Variants in GLOD4 observed in about 807,000 individuals in gnomAD.
The protein encoded by GLOD4 is glyoxalase domain containing 4.
In GLOD4, 44 loss-of-function variants were observed where a neutral mutation model predicts 39.1. That is an observed-to-expected ratio of 1.13 (90% CI 0.88 to 1.45). The LOEUF is 1.45. Ranked by LOEUF, GLOD4 falls within the 40% of genes most tolerant of loss-of-function variation. The probability of loss-of-function intolerance (pLI) is 0.00; values close to 1 mark genes in which losing one functional copy is unlikely to be tolerated. For missense variants in GLOD4, 405 were observed against 366.4 expected, an observed-to-expected ratio of 1.11 and a Z score of -0.86; for synonymous variants, 145 against 135.0, an observed-to-expected ratio of 1.07 and a Z score of -0.52.
At position 773,629 on chromosome 17, in the gene GLOD4, G is replaced by C. The variant is rs192179303; in HGVS notation, c.406+2146C>G. ...TACTGGAAACTTTTCACATTGTAAAGTGACTTTCTAAAGAGCTGTTCCACG... is the reference window on the plus strand; with the variant it reads ...TACTGGAAACTTTTCACATTGTAAACTGACTTTCTAAAGAGCTGTTCCACG... On this transcript the variant is annotated intron_variant, in intron 4 of 8. Coordinates refer to ENST00000301329, the MANE Select transcript of GLOD4 (RefSeq NM_016080.4). Among the ~76,000 whole-genome samples the C allele has an allele frequency of 1.0e-3, 152 of 152,262 alleles. 2 individuals are homozygous for C. The highest frequency in any genetic ancestry group is 3.6e-3 in the African/African-American group (149 of 41,536).
In GLOD4 at chr17:771,472, A is replaced by G; in HGVS notation, c.407-11T>C. ...CTTTTAATACAGGATCTGTTGGGTA[A>G]TAAAGCAGGAATAGACAGATCAATT... is the stretch of plus-strand genomic sequence containing the variant. On this transcript the variant is annotated splice_polypyrimidine_tract_variant and intron_variant, in intron 4 of 8. Transcript: ENST00000301329. The G allele has an allele frequency of 1.3e-6, 2 of 1,526,270 alleles. No individual in the cohort carries two copies. The highest frequency in any genetic ancestry group is 8.9e-7 in the Non-Finnish European group (1 of 1,117,608). 94.5% of individuals were successfully genotyped at this position (1,526,270 alleles called of 1,614,324 possible).
chr17:768,949 G>C, intron 8 of GLOD4, among the ~76,000 whole-genome samples: 1 of 152,266 alleles, frequency 6.6e-6, no homozygotes, highest in Non-Finnish European at 1.5e-5. Flanking sequence ...GGATGTGAGA[G>C]AGAGAAACAG....
At chr17:768,499 A>T (rs1367362030) in intron 8 of GLOD4, among the ~76,000 whole-genome samples, 1 of 127,318 alleles carries the variant, frequency 7.9e-6, no homozygotes, top group Non-Finnish European at 1.6e-5. Flanking sequence ...AGAGGACGTG[A>T]GAGAGAGAAA....
At chr17:778,383 C>G in intron 2 of GLOD4, 1 of 448,552 alleles carries the variant, frequency 2.2e-6, no homozygotes, top group Non-Finnish European at 3.9e-6. Flanking sequence ...AATAACAGGA[C>G]AGCCGGCTGG....
intron 8 of GLOD4, chr17:764,870 G>C (rs964577155): frequency 6.6e-6 from 1 of 150,744 alleles, no homozygotes; most frequent in African/African-American, 2.4e-5. Context: ...AGCCGGGCGA[G>C]GTGGCAGGTG....
chr17:779,975 T>C (rs999694649), intron 1 of GLOD4, among the ~76,000 whole-genome samples: 1 of 151,980 alleles, frequency 6.6e-6, no homozygotes, highest in African/African-American at 2.4e-5. Context: ...CCATCCTGGC[T>C]AACACAGTAA....
rs944373846 is a variant in GLOD4 at position 782,204 on chromosome 17, G to A, written c.52C>T (p.Gln18Ter). ...ACGTCCCGATAGAAACGCGCCGTCT[G>A]GAAGCGGTTTCCCACTTTGAATACG... ...HFVFKVGNRF[Q>*]TARFYRDVLG... Residue 18 changes from glutamine to a stop codon, truncating the protein, a stop_gained, in exon 1 of 9, where the codon CAG (glutamine) becomes TAG (stop). Coordinates refer to ENST00000301329, the MANE Select transcript of GLOD4 (RefSeq NM_016080.4). LOFTEE classifies it high-confidence loss of function. The A allele has an allele frequency of 1.2e-6, 2 of 1,613,130 alleles. No homozygotes were observed. The highest frequency in any genetic ancestry group is 1.3e-5 in the African/African-American group (1 of 74,916).
At chr17:782,758 C>G, upstream of GLOD4, 1 of 1,492,834 alleles carries the variant, frequency 6.7e-7, no homozygotes, top group African/African-American at 1.4e-5. Context: ...GGAACCTTAA[C>G]CTCCTTCCGA....
chr17:782,197 G>C lies in GLOD4; in HGVS notation c.59C>G (p.Ala20Gly), dbSNP rs1222623065. The change falls in exon 1 of 9, where the codon GCG becomes GGG. Residue 20 changes from alanine to glycine, a missense_variant. Coordinates refer to ENST00000301329, the MANE Select transcript of GLOD4 (RefSeq NM_016080.4). ...VFKVGNRFQT[A>G]RFYRDVLGMK... Reference sequence around the variant, plus strand: ...CCCCAGGACGTCCCGATAGAAACGCGCCGTCTGGAAGCGGTTTCCCACTTT... The same window carrying C: ...CCCCAGGACGTCCCGATAGAAACGCCCCGTCTGGAAGCGGTTTCCCACTTT... 33 of 1,612,474 alleles carry C rather than the reference G, an allele frequency of 2.0e-5. No homozygotes were observed. The highest frequency in any genetic ancestry group is 2.7e-5 in the African/African-American group (2 of 74,908).
chr17:767,405 AG>A (rs983137194), intron 8 of GLOD4, among the ~76,000 whole-genome samples: 1 of 152,266 alleles, frequency 6.6e-6, no homozygotes, highest in African/African-American at 2.4e-5. Context: ...GAGTAACAAG[AG>A]CCAGTGCAAA....
At chr17:773,956 C>T (rs1250024222) in intron 4 of GLOD4, among the ~76,000 whole-genome samples, 1 of 152,130 alleles carries the variant, frequency 6.6e-6, no homozygotes, top group Non-Finnish European at 1.5e-5. Context: ...CAGAAATGCC[C>T]AAGGGGATTT....
chr17:775,728 C>G (rs777670927), intron 4 of GLOD4, 47 bp downstream of exon 4: 5 of 1,535,390 alleles, frequency 3.3e-6, no homozygotes, highest in Non-Finnish European at 4.5e-6. Context: ...CTCCTTTCAC[C>G]AAAGATGCCT....
upstream of GLOD4, chr17:783,446 C>G (rs1488343010): frequency 9.7e-7 from 1 of 1,032,512 alleles, no homozygotes; most frequent in African/African-American, 1.6e-5. Context: ...AAGGGATTCT[C>G]TTGCCTCAGC....
chr17:774,232 T>C (rs1287376881), intron 4 of GLOD4, among the ~76,000 whole-genome samples: 1 of 152,166 alleles, frequency 6.6e-6, no homozygotes, highest in Non-Finnish European at 1.5e-5. Flanking sequence ...CGGATCTTTC[T>C]TTTGCTGAGC....
At chr17:762,656 AGG>A (rs1567787885) in intron 8 of GLOD4, among the ~76,000 whole-genome samples, 1 of 144,528 alleles carries the variant, frequency 6.9e-6, no homozygotes, top group African/African-American at 2.6e-5. Context: ...TGTGATCTTC[AGG>A]GATGAAGGGG....
chr17:772,758 G>A (rs1325266534), intron 4 of GLOD4, among the ~76,000 whole-genome samples: 2 of 152,164 alleles, frequency 1.3e-5, no homozygotes, highest in African/African-American at 4.8e-5. Context: ...CACTTTGGGA[G>A]GCTGAGGTGG....
chr17:761,426 A>G (rs1195902874), intron 8 of GLOD4, among the ~76,000 whole-genome samples: 1 of 152,236 alleles, frequency 6.6e-6, no homozygotes, highest in Non-Finnish European at 1.5e-5. Context: ...CACAAGTCAC[A>G]AATATGCACG....
At chr17:780,825 C>T (rs1304414171) in intron 1 of GLOD4, 1 of 153,504 alleles carries the variant, frequency 6.5e-6, no homozygotes, top group Non-Finnish European at 1.5e-5. Flanking sequence ...GAAAACCGCT[C>T]CTTCTTTTGT....
At chr17:783,550 T>C (rs1472105457), upstream of GLOD4, 2 of 387,478 alleles carry the variant, frequency 5.2e-6, no homozygotes, top group Non-Finnish European at 9.5e-6. Context: ...TTGGCCAGGC[T>C]GACGTCGAAC....
Sources: gnomAD v4.1 joint callset for allele counts (sites outside exome capture counted in the v4.1 genomes callset) on GRCh38, gnomAD v4.1.1 for gene constraint, MANE v1.5 for transcripts, NCBI Gene and HGNC (gene_info 2026-07-23, HGNC 2026-07-21) for gene names.